The following TMED3 variants were observed in gnomAD, a reference collection of about 807,000 sequenced individuals.
The protein encoded by TMED3 is transmembrane p24 trafficking protein 3.
Under a neutral mutation model 15.0 loss-of-function variants are expected in TMED3, and 9 were observed. The observed-to-expected ratio is 0.60, with a 90% confidence interval of 0.36 to 1.04. The LOEUF (loss-of-function observed/expected upper bound fraction) is 1.04. TMED3 is among the 50% of genes least tolerant of loss of function. The pLI is 0.01. For missense variants in TMED3, 267 were observed against 278.9 expected (o/e 0.96, Z 0.30); for synonymous variants, 117 against 121.4 (o/e 0.96, Z 0.24).
chr15:79,352,046 A>G (rs12911474), intron 2 of TMED3, among the ~76,000 whole-genome samples: 14,136 of 145,888 alleles, frequency 0.097, 706 homozygotes, highest in Admixed American at 0.13. Flanking sequence ...GAATGATACA[A>G]TGGGCTTTGG....
intron 2 of TMED3, among the ~76,000 whole-genome samples, chr15:79,351,099 C>G (rs2058889600): frequency 1.3e-5 from 2 of 152,128 alleles, no homozygotes; most frequent in Non-Finnish European, 2.9e-5. Context: ...TATTTATTGT[C>G]TAGTATTTAA....
At chr15:79,376,092 GT>G (rs199728545) in intron 2 of TMED3, among the ~76,000 whole-genome samples, 45 of 112,062 alleles carry the variant, frequency 4.0e-4, no homozygotes, top group African/African-American at 1.6e-3. Context: ...CTAGAGAAAG[GT>G]TTTTTTTTTT....
intron 2 of TMED3, among the ~76,000 whole-genome samples, chr15:79,356,810 A>G (rs1369311511): frequency 6.6e-6 from 1 of 152,218 alleles, no homozygotes; most frequent in African/African-American, 2.4e-5. Flanking sequence ...TATTCACTGC[A>G]GCATTATTTA....
chr15:79,342,724 CTTAA>C (rs1316958908), intron 2 of TMED3, among the ~76,000 whole-genome samples: 2 of 152,148 alleles, frequency 1.3e-5, no homozygotes, highest in African/African-American at 2.4e-5. Flanking sequence ...GATTAGTCAT[CTTAA>C]TTAATTAAGT....
intron 2 of TMED3, among the ~76,000 whole-genome samples, chr15:79,353,167 A>ATAT (rs2058900758): frequency 1.2e-5 from 1 of 84,428 alleles, no homozygotes; most frequent in Non-Finnish European, 2.0e-5. Flanking sequence ...ATATAAATAT[A>ATAT]TATACATAAT....
chr15:79,341,774 C>T (rs1270987575), intron 2 of TMED3, among the ~76,000 whole-genome samples: 1 of 152,164 alleles, frequency 6.6e-6, no homozygotes, highest in Admixed American at 6.5e-5. Context: ...TCTCTTTCGG[C>T]GGTTTCAACT....
At chr15:79,324,373 A>G (rs371050905), downstream of TMED3, among the ~76,000 whole-genome samples, 1 of 152,242 alleles carries the variant, frequency 6.6e-6, no homozygotes, top group Non-Finnish European at 1.5e-5. Context: ...TTTGTTATAG[A>G]GAAATACAAT....
At chr15:79,380,416 TTATATATAGTTA>T (rs1229554463) in intron 2 of TMED3, among the ~76,000 whole-genome samples, 7 of 115,178 alleles carry the variant, frequency 6.1e-5, no homozygotes, top group African/African-American at 1.3e-4. Context: ...ATATATATAG[TTATATATAGTTA>T]TATATATAGT....
intron 2 of TMED3, among the ~76,000 whole-genome samples, chr15:79,353,238 TATATATACTATATATA>T (rs1241128332): frequency 1.5e-5 from 1 of 66,276 alleles, no homozygotes; most frequent in African/African-American, 6.6e-5. Context: ...ATATATAAAA[TATATATACTATATATA>T]ATATATATTA....
intron 2 of TMED3, among the ~76,000 whole-genome samples, chr15:79,342,089 CATT>C (rs1194936575): frequency 2.8e-4 from 43 of 152,208 alleles, no homozygotes; most frequent in African/African-American, 9.6e-4. Context: ...CTAAATATGT[CATT>C]ATCAGTTTAA....
chr15:79,320,129 C>T (rs1020974670), intron 2 of TMED3, among the ~76,000 whole-genome samples: 5 of 152,188 alleles, frequency 3.3e-5, no homozygotes, highest in African/African-American at 1.2e-4. Flanking sequence ...CGCTAGACCA[C>T]AGTCCACTTG....
In TMED3 at chr15:79,399,652, A is replaced by G. The variant is rs182196804; in HGVS notation, c.418-11748A>G. 2.2e-3 allele frequency among the ~76,000 whole-genome samples: 331 copies of G among 152,266 alleles called. 2 individuals are homozygous for G. Among genetic ancestry groups the G allele is most frequent in the African/African-American group, 7.5e-3 (312 of 41,530 alleles). On this transcript the variant is annotated intron_variant, in intron 2 of 2. Transcript: ENST00000424155. ...ATGAAAGGTTTTAAGCAAGGGAGAG[A>G]CACAATCAGATTTGCATTTTAGAAA...
intron 2 of TMED3, among the ~76,000 whole-genome samples, chr15:79,390,553 T>G (rs73475532): frequency 0.033 from 5,073 of 152,148 alleles, 272 homozygotes; most frequent in African/African-American, 0.11. Context: ...TAGCTACCTT[T>G]TTTGGTTAAG....
At chr15:79,405,588 C>T (rs1468258900) in intron 2 of TMED3, among the ~76,000 whole-genome samples, 1 of 152,210 alleles carries the variant, frequency 6.6e-6, no homozygotes, top group Non-Finnish European at 1.5e-5. Context: ...AGGGAATAAC[C>T]TGGCAAGTCT....
exon 3 of TMED3, chr15:79,413,199 C>G (rs1384187560): frequency 6.6e-6 from 1 of 152,188 alleles, no homozygotes; most frequent in African/African-American, 2.4e-5. Context: ...AGCTCTCCAG[C>G]CAGGGTTCTG....
At chr15:79,367,751 T>C (rs925884118) in intron 2 of TMED3, among the ~76,000 whole-genome samples, 3 of 152,248 alleles carry the variant, frequency 2.0e-5, no homozygotes, top group African/African-American at 7.2e-5. Context: ...AGAAGTTACA[T>C]GTAAAGTAAT....
At chr15:79,383,838 G>A (rs1475582178) in intron 2 of TMED3, 1 of 152,218 alleles carries the variant, frequency 6.6e-6, no homozygotes, top group Non-Finnish European at 1.5e-5. Context: ...ACTTTTGAAA[G>A]CCAGGACATT....
rs550616171 is a variant in TMED3, at chr15:79,392,114, C to T, written c.418-19286C>T. ...AGTATTGAGATGTGAGGTACCATTCCACTCATCATGCTATTTGTTCCCTGT... is the reference window on the plus strand; with the variant it reads ...AGTATTGAGATGTGAGGTACCATTCTACTCATCATGCTATTTGTTCCCTGT... On this transcript the variant is annotated intron_variant, in intron 2 of 2. Transcript: ENST00000424155. Among the ~76,000 whole-genome samples, 6 of 152,226 alleles carry T rather than the reference C, an allele frequency of 3.9e-5. No individual in the cohort carries two copies. The South Asian group carries it at 1.0e-3, about 26-fold the overall frequency.
chr15:79,358,139 G>A (rs1198648181), intron 2 of TMED3, among the ~76,000 whole-genome samples: 4 of 152,190 alleles, frequency 2.6e-5, no homozygotes, highest in Admixed American at 6.5e-5. Flanking sequence ...AGTCCTACTC[G>A]TTGTCTTCCA....
Sources: allele counts gnomAD v4.1 joint callset (sites outside exome capture counted in the v4.1 genomes callset), GRCh38; gene constraint gnomAD v4.1.1; transcripts MANE v1.5; gene names NCBI Gene and HGNC (gene_info 2026-07-23, HGNC 2026-07-21).